Variants in USP33 observed in about 807,000 individuals in gnomAD.
USP33 encodes ubiquitin specific peptidase 33.
A neutral mutation model predicts 124.2 loss-of-function variants in USP33; 46 were observed. The observed-to-expected ratio is 0.37, with a 90% CI of 0.29 to 0.47. USP33 has a LOEUF of 0.47. Ranked by LOEUF, USP33 falls within the 20% of genes least tolerant of loss-of-function variation. The pLI, the probability that USP33 is intolerant of heterozygous loss-of-function variation, is 0.99. For missense variants in USP33, 851 were observed against 1,070.6 expected (o/e 0.79, Z 2.86); for synonymous variants, 350 against 352.3 (o/e 0.99, Z 0.07).
chr1:77,701,308 TA>T (rs1250851542), intron 22 of USP33, 60 bp downstream of exon 22: 4 of 1,219,012 alleles, frequency 3.3e-6, no homozygotes, highest in Non-Finnish European at 4.7e-6. Context: ...ATTCAAGAAA[TA>T]CTTGTCAAAC....
intron 21 of USP33, among the ~76,000 whole-genome samples, chr1:77,709,948 A>G (rs1675058945): frequency 6.6e-6 from 1 of 151,778 alleles, no homozygotes; most frequent in South Asian, 2.1e-4. Flanking sequence ...TGAGTTCACA[A>G]AGATACCCAT....
At chr1:77,737,086 C>G (rs775235948) in intron 5 of USP33, among the ~76,000 whole-genome samples, 34 of 150,716 alleles carry the variant, frequency 2.3e-4, no homozygotes, top group Non-Finnish European at 3.2e-4. Context: ...TTAAAAAATT[C>G]GGAGACGACA....
intron 12 of USP33, 81 bp from the exon 13 acceptor site, chr1:77,722,277 A>G (rs1167727460): frequency 4.5e-6 from 6 of 1,339,418 alleles, no homozygotes; most frequent in Non-Finnish European, 6.0e-6. Flanking sequence ...GACTCTAAAG[A>G]TCAAAGCATG....
At chr1:77,699,152 T>C (rs866402565) in intron 22 of USP33, among the ~76,000 whole-genome samples, 2 of 152,214 alleles carry the variant, frequency 1.3e-5, no homozygotes, top group Middle Eastern at 3.4e-3. Context: ...TCAACATCAC[T>C]GATCATTAGA....
Position 77,715,858 on chromosome 1 carries a change from A to G in USP33, c.1929T>C (p.Tyr643=), listed in dbSNP as rs1675818036. ...TTAGATTGTTTCGGCAGTAGGCTAT[A>G]TAGTGTCCACCTGAATTTGAGGGAA... ...CHHGTASSGH[Y]IAYCRNNLNN... is the part of the protein sequence containing the mutation. The change falls in exon 18 of 24, where the codon TAT becomes TAC. Residue 643 remains tyrosine (Y), a synonymous_variant. Transcript: ENST00000370794. 3.7e-6 allele frequency: 6 copies of G among 1,612,906 alleles called. No homozygotes were observed. The East Asian group carries it at 8.9e-5, about 24-fold the overall frequency.
At chr1:77,703,833 T>C (rs1239594785) in intron 21 of USP33, among the ~76,000 whole-genome samples, 2 of 151,952 alleles carry the variant, frequency 1.3e-5, no homozygotes, top group East Asian at 3.9e-4. Flanking sequence ...GGCAACATGG[T>C]TAAAACCCCA....
chr1:77,709,354 T>G (rs1674974390), intron 21 of USP33, among the ~76,000 whole-genome samples: 3 of 151,898 alleles, frequency 2.0e-5, no homozygotes, highest in Non-Finnish European at 2.9e-5. Context: ...ACAAAAAAAT[T>G]TATTTTTTAA....
At chr1:77,756,050 T>A (rs1680773886) in intron 1 of USP33, among the ~76,000 whole-genome samples, 1 of 152,212 alleles carries the variant, frequency 6.6e-6, no homozygotes, top group African/African-American at 2.4e-5. Context: ...TCAACCCTTC[T>A]TTTTCACAAG....
intron 22 of USP33, among the ~76,000 whole-genome samples, chr1:77,699,742 C>A (rs1673794339): frequency 6.6e-6 from 1 of 152,150 alleles, no homozygotes; most frequent in Non-Finnish European, 1.5e-5. Context: ...TACATGCACA[C>A]ATATGTTCAT....
chr1:77,756,686 A>G (rs940401175), intron 1 of USP33, among the ~76,000 whole-genome samples: 3 of 152,250 alleles, frequency 2.0e-5, no homozygotes, highest in African/African-American at 7.2e-5. Context: ...CAAAGGCTTA[A>G]GCAGCCTCCA....
intron 9 of USP33, among the ~76,000 whole-genome samples, 169 bp downstream of exon 9, chr1:77,729,691 G>A (rs959517919): frequency 6.6e-6 from 1 of 151,824 alleles, no homozygotes; most frequent in African/African-American, 2.4e-5. Flanking sequence ...TAAAGATAAA[G>A]GAAAGTTGAA....
intron 21 of USP33, among the ~76,000 whole-genome samples, chr1:77,707,650 G>C (rs926977036): frequency 1.3e-5 from 2 of 151,958 alleles, no homozygotes. Context: ...GACTACTAAG[G>C]GTTCAAACCC....
Position 77,725,701 on chromosome 1 carries a change from T to C in USP33, c.1197A>G (p.Glu399=), listed in dbSNP as rs764316726. 2.5e-6 allele frequency: 4 copies of C among 1,614,108 alleles called. No homozygotes were observed. The South Asian group carries it at 4.4e-5, about 18-fold the overall frequency. Residue 399 remains glutamate (E), a synonymous_variant, in exon 11 of 24, where the codon GAA becomes GAG. Transcript: ENST00000370794. ...TTGCCGATAAACGTGGATTAACACC[T>C]TCATTTGATGGAAGGATCTGTGGTG... ...LSTPQILPSN[E]GVNPRLSASP... is the part of the protein sequence containing the mutation.
chr1:77,730,767 C>G (rs1677713396), intron 7 of USP33, 36 bp from the exon 8 acceptor site: 1 of 1,410,820 alleles, frequency 7.1e-7, no homozygotes. Flanking sequence ...AGAGTGGAGT[C>G]AAAGCTAATA....
chr1:77,732,638 TCA>T (rs1161259398), intron 7 of USP33, among the ~76,000 whole-genome samples: 1 of 152,258 alleles, frequency 6.6e-6, no homozygotes, highest in East Asian at 1.9e-4. Flanking sequence ...CTGTACCCCG[TCA>T]CACAGATTTT....
chr1:77,723,659 G>GT (rs895247769), intron 11 of USP33, among the ~76,000 whole-genome samples: 20 of 150,618 alleles, frequency 1.3e-4, no homozygotes, highest in East Asian at 7.8e-4. Context: ...GATATTTGTT[G>GT]TTTTTTTTTG....
rs184396234 is a variant in USP33 at position 77,716,058 on chromosome 1, A to T, written c.1919-190T>A. Reference sequence around the variant, plus strand: ...CTGACGACAGAACATGTAATTTTTTAAATTTTTTTATTTTTTAATAGACAC... The same window carrying T: ...CTGACGACAGAACATGTAATTTTTTTAATTTTTTTATTTTTTAATAGACAC... On this transcript the variant is annotated intron_variant, in intron 17 of 23. Transcript: ENST00000370794. Among the ~76,000 whole-genome samples, 239 of 151,900 alleles carry T rather than the reference A, an allele frequency of 1.6e-3. 2 individuals are homozygous for T. The highest frequency in any genetic ancestry group is 5.4e-3 in the African/African-American group (222 of 41,436).
At position 77,739,365 on chromosome 1, in the gene USP33, T is replaced by G; in HGVS notation, c.251A>C (p.Tyr84Ser). 6.2e-7 allele frequency: 1 copy of G among 1,613,880 alleles called. No individual in the cohort carries two copies. The highest frequency in any genetic ancestry group is 8.5e-7 in the Non-Finnish European group (1 of 1,179,926). Reference protein sequence around the residue: ...VNLTTLRVWCYACSKEVFLDR... With the variant: ...VNLTTLRVWCSACSKEVFLDR... ...CAAAAATACTTCTTTGCTGCAAGCATAACACCATACTCGAAGAGTGGTAAG... is the reference window on the plus strand; with the variant it reads ...CAAAAATACTTCTTTGCTGCAAGCAGAACACCATACTCGAAGAGTGGTAAG... The change falls in exon 5 of 24, where the codon TAT becomes TCT. Residue 84 changes from tyrosine (Y) to serine (S), a missense_variant. Coordinates refer to ENST00000370794, the MANE Select transcript of USP33 (RefSeq NM_201624.3).
intron 18 of USP33, 59 bp from the exon 19 acceptor site, chr1:77,714,842 G>T: frequency 1.3e-6 from 2 of 1,550,086 alleles, no homozygotes; most frequent in South Asian, 2.4e-5. Context: ...ACTAGTAGAT[G>T]GATTTTTCTT....
Sources: gnomAD v4.1 joint callset for allele counts (sites outside exome capture counted in the v4.1 genomes callset) on GRCh38, gnomAD v4.1.1 for gene constraint, MANE v1.5 for transcripts, NCBI Gene and HGNC (gene_info 2026-07-23, HGNC 2026-07-21) for gene names.